The following SS18 variants were observed in gnomAD, a reference collection of about 807,000 sequenced individuals.
SS18 encodes the protein SS18 subunit of BAF chromatin remodeling complex.
SS18 carries 28 observed loss-of-function variants against 72.5 expected under a neutral mutation model. The observed-to-expected ratio is 0.39, with a 90% CI of 0.29 to 0.53. SS18 has a LOEUF of 0.53. Among genes scored for constraint, SS18 ranks in the 20% least tolerant of loss-of-function variants. The probability of loss-of-function intolerance (pLI) is 0.76; values close to 1 mark genes in which losing one functional copy is unlikely to be tolerated. For missense variants in SS18, 518 were observed against 535.3 expected, an observed-to-expected ratio of 0.97 and a Z score of 0.32; for synonymous variants, 172 against 164.2, an observed-to-expected ratio of 1.05 and a Z score of -0.37.
intron 1 of SS18, among the ~76,000 whole-genome samples, chr18:26,089,440 G>A (rs537158590): frequency 6.6e-6 from 1 of 152,334 alleles, no homozygotes; most frequent in African/African-American, 2.4e-5. Flanking sequence ...ACACTACGAA[G>A]AACCTGACAG....
At position 26,081,929 on chromosome 18, in the gene SS18, G is replaced by A. The variant is rs180788107; in HGVS notation, c.147-3769C>T. Among the ~76,000 whole-genome samples, 10 of 152,074 alleles carry A rather than the reference G, an allele frequency of 6.6e-5. No individual in the cohort carries two copies. In the East Asian group the frequency reaches 1.2e-3, roughly 18 times the overall value. On this transcript the variant is annotated intron_variant, in intron 2 of 10. Coordinates refer to ENST00000415083, the MANE Select transcript of SS18 (RefSeq NM_001007559.3). Reference sequence around the variant, plus strand: ...AAAAATTAGCTGAGCATGGTGGCACGCACCTGTAGTCCCTGCTACTTAGGA... The same window carrying A: ...AAAAATTAGCTGAGCATGGTGGCACACACCTGTAGTCCCTGCTACTTAGGA...
chr18:26,068,720 T>TG (rs2054262047), intron 3 of SS18, among the ~76,000 whole-genome samples: 1 of 152,170 alleles, frequency 6.6e-6, no homozygotes, highest in Non-Finnish European at 1.5e-5. Context: ...CTGCTCAGAA[T>TG]GTCAAATATG....
chr18:26,031,456 A>T (rs2053540824), intron 10 of SS18, among the ~76,000 whole-genome samples: 2 of 152,218 alleles, frequency 1.3e-5, no homozygotes, highest in Non-Finnish European at 2.9e-5. Flanking sequence ...CTTGTTAAAA[A>T]ATAACTTATT....
intron 3 of SS18, among the ~76,000 whole-genome samples, chr18:26,058,197 G>A (rs937441794): frequency 2.0e-5 from 3 of 152,202 alleles, no homozygotes; most frequent in African/African-American, 7.2e-5. Flanking sequence ...AGTGGCAGCA[G>A]AGGAATGTTT....
intron 5 of SS18, among the ~76,000 whole-genome samples, chr18:26,052,003 C>G (rs1250004660): frequency 6.6e-6 from 1 of 152,084 alleles, no homozygotes; most frequent in African/African-American, 2.4e-5. Flanking sequence ...TAGCATTAAC[C>G]TGGAAATAAG....
intron 5 of SS18, among the ~76,000 whole-genome samples, chr18:26,049,613 GT>G (rs1310866747): frequency 6.6e-6 from 1 of 152,166 alleles, no homozygotes; most frequent in Non-Finnish European, 1.5e-5. Context: ...CTGTGCTCAA[GT>G]GAACCTCCTG....
At chr18:26,044,712 A>G (rs1353378607) in intron 5 of SS18, among the ~76,000 whole-genome samples, 1 of 152,074 alleles carries the variant, frequency 6.6e-6, no homozygotes, top group Admixed American at 6.6e-5. Context: ...AAAATTTAGT[A>G]AATTTACTTA....
chr18:26,018,971 T>G (rs1176778923), intron 10 of SS18, among the ~76,000 whole-genome samples: 1 of 152,144 alleles, frequency 6.6e-6, no homozygotes, highest in Non-Finnish European at 1.5e-5. Flanking sequence ...GGAAAGCTGT[T>G]TTGTGTTGTC....
chr18:26,081,931 ACCTGTAGTCCCTG>A (rs2054531399), intron 2 of SS18, among the ~76,000 whole-genome samples: 1 of 151,992 alleles, frequency 6.6e-6, no homozygotes, highest in Non-Finnish European at 1.5e-5. Context: ...GGTGGCACGC[ACCTGTAGTCCCTG>A]CTACTTAGGA....
Position 26,016,521 on chromosome 18 carries a change from G to A in SS18, c.*1833C>T, listed in dbSNP as rs536773020. 4 of 180,120 alleles carry A rather than the reference G, an allele frequency of 2.2e-5. No homozygotes were observed. The East Asian group carries it at 3.7e-4, about 17-fold the overall frequency. 11.2% of individuals were successfully genotyped at this position (180,120 alleles called of 1,614,324 possible). ...GTGGATCACCTGAGGTCAGGAGTTC[G>A]AGACCAGCCTGGCCAACATGGCGAA... On this transcript the variant is annotated 3_prime_UTR_variant, in exon 11 of 11. Transcript: ENST00000415083.
intron 5 of SS18, among the ~76,000 whole-genome samples, chr18:26,049,209 T>G (rs1450369079): frequency 6.6e-6 from 1 of 152,254 alleles, no homozygotes; most frequent in Admixed American, 6.5e-5. Context: ...CACAGGTATC[T>G]GTCCAATATA....
chr18:26,035,201 T>A lies in SS18; in HGVS notation c.974-74A>T. 6.6e-7 allele frequency: 1 copy of A among 1,512,676 alleles called. No individual in the cohort carries two copies. The highest frequency in any genetic ancestry group is 9.0e-7 in the Non-Finnish European group (1 of 1,111,566). 93.7% of individuals were successfully genotyped at this position (1,512,676 alleles called of 1,614,324 possible). ...GTAACTTTTTTCCCTCTAAGATGCA[T>A]AGCCAACAACACAAGAACAAAATGA... On this transcript the variant is annotated intron_variant, in intron 8 of 10. Transcript: ENST00000415083. The surrounding 1 kb of genome is among the most constrained non-coding windows in gnomAD (Gnocchi z 4.4).
chr18:26,036,150 C>G (rs1484665720), intron 7 of SS18, among the ~76,000 whole-genome samples: 1 of 151,680 alleles, frequency 6.6e-6, no homozygotes, highest in Non-Finnish European at 1.5e-5. Context: ...AAACATTACA[C>G]TTATTGTCTT....
chr18:26,087,961 A>G (rs1187672380), intron 1 of SS18, among the ~76,000 whole-genome samples: 1 of 152,180 alleles, frequency 6.6e-6, no homozygotes, highest in Non-Finnish European at 1.5e-5. Context: ...TCATACGGAC[A>G]ATCTTTTCAA....
intron 3 of SS18, among the ~76,000 whole-genome samples, chr18:26,070,381 C>T (rs2054292012): frequency 6.6e-6 from 1 of 152,168 alleles, no homozygotes; most frequent in Non-Finnish European, 1.5e-5. Flanking sequence ...TGTCAGGTAA[C>T]ACTGCATGTA....
At chr18:26,061,331 TAAAC>T (rs752866341) in intron 3 of SS18, among the ~76,000 whole-genome samples, 5 of 150,210 alleles carry the variant, frequency 3.3e-5, no homozygotes, top group East Asian at 2.0e-4. Flanking sequence ...AATAAATAAA[TAAAC>T]AAACACAGGA....
chr18:26,056,292 G>C (rs1344253281), intron 4 of SS18, among the ~76,000 whole-genome samples: 1 of 152,178 alleles, frequency 6.6e-6, no homozygotes, highest in East Asian at 1.9e-4. Context: ...ATCATAAAAA[G>C]TCACAAAACT....
At chr18:26,080,214 TAG>T (rs1172933782) in intron 2 of SS18, 1 of 342,664 alleles carries the variant, frequency 2.9e-6, no homozygotes, top group Non-Finnish European at 4.1e-6. Flanking sequence ...CATTATTCTG[TAG>T]AGATCTAGGA....
In SS18 at chr18:26,018,268, G is replaced by T; in HGVS notation, c.*86C>A. ...TTTCCAAAAACTAGATGGAATGGAA[G>T]GATCTCTTCACAGGGAGGTGTCCAC... On this transcript the variant is annotated 3_prime_UTR_variant, in exon 11 of 11. Transcript: ENST00000415083. 2 of 1,154,442 alleles carry T rather than the reference G, an allele frequency of 1.7e-6. No individual in the cohort carries two copies. Among genetic ancestry groups the T allele is most frequent in the Non-Finnish European group, 1.3e-6 (1 of 792,628 alleles). The allele number at this position is 1,154,442 out of a possible 1,614,324, so 71.5% of individuals were successfully genotyped here.
Sources: gnomAD v4.1 joint callset for allele counts (sites outside exome capture counted in the v4.1 genomes callset) on GRCh38, gnomAD v4.1.1 for gene constraint, Gnocchi (gnomAD v3.1) non-coding constraint, MANE v1.5 for transcripts, NCBI Gene and HGNC (gene_info 2026-07-23, HGNC 2026-07-21) for gene names.